MEIOB: variants seen among roughly 807,000 people sequenced by gnomAD.
MEIOB encodes the protein meiosis-specific with OB domain-containing protein.
In MEIOB, 50 loss-of-function variants were observed where a neutral mutation model predicts 53.1. That is an observed-to-expected ratio of 0.94 (90% CI 0.75 to 1.19). MEIOB has a LOEUF of 1.19. Ranked by LOEUF, MEIOB falls within the 50% of genes most tolerant of loss-of-function variation. The pLI is 0.00. For synonymous variants in MEIOB, 192 were observed against 182.5 expected (o/e 1.05, Z -0.42); for missense variants, 551 against 550.8 (o/e 1.00, Z 0.00).
chr16:1,870,068 T>A (rs1397676224), intron 1 of MEIOB, among the ~76,000 whole-genome samples: 1 of 151,806 alleles, frequency 6.6e-6, no homozygotes, highest in East Asian at 2.0e-4. Context: ...GAGATGGGGT[T>A]TCACTGTGTT....
At position 1,834,059 on chromosome 16, in the gene MEIOB, G is replaced by A. The variant is rs984399887; in HGVS notation, c.*197C>T. 2.3e-5 allele frequency: 11 copies of A among 472,520 alleles called. No individual in the cohort carries two copies. The highest frequency in any genetic ancestry group is 1.1e-3 in the Middle Eastern group (2 of 1,866). 29.3% of individuals were successfully genotyped at this position (472,520 alleles called of 1,614,324 possible). ...GGAGGAGACAAGGCAAAGACAGTAG[G>A]AGGCCTTCTAAGAAGGGAGGTCAGA... is the stretch of plus-strand genomic sequence containing the variant. On this transcript the variant is annotated 3_prime_UTR_variant, in exon 14 of 14. Transcript: ENST00000325962.
intron 1 of MEIOB, among the ~76,000 whole-genome samples, chr16:1,869,314 G>A (rs891123917): frequency 2.8e-4 from 42 of 151,650 alleles, no homozygotes; most frequent in African/African-American, 7.5e-4. Flanking sequence ...TAGTAGAGAC[G>A]AGGTTTCACC....
In MEIOB at chr16:1,852,915, A is replaced by G. The variant is rs569483133; in HGVS notation, c.778+124T>C. ...GTAAGTTTTTAAAAAAGTTATATAA[A>G]GCAATTTTTACTTCTAATTTGAATT... On this transcript the variant is annotated intron_variant, in intron 9 of 13. Coordinates refer to ENST00000325962, the MANE Select transcript of MEIOB (RefSeq NM_001163560.3). 2.8e-5 allele frequency: 18 copies of G among 650,846 alleles called. No individual in the cohort carries two copies. In the African/African-American group the frequency reaches 3.3e-4, roughly 12 times the overall value. The allele number at this position is 650,846 out of a possible 1,614,324, so 40.3% of individuals were successfully genotyped here.
At chr16:1,856,270 C>CT (rs1211255037) in intron 6 of MEIOB, among the ~76,000 whole-genome samples, 17 of 151,164 alleles carry the variant, frequency 1.1e-4, no homozygotes, top group African/African-American at 4.1e-4. Flanking sequence ...ATTCTCCTGA[C>CT]TCAGCCTCCC....
chr16:1,859,123 C>T (rs1008936225), intron 5 of MEIOB, among the ~76,000 whole-genome samples: 4 of 152,144 alleles, frequency 2.6e-5, no homozygotes, highest in Admixed American at 2.0e-4. Context: ...TGACCATTAG[C>T]GCTACCACAA....
intron 6 of MEIOB, among the ~76,000 whole-genome samples, chr16:1,856,148 C>T (rs971900071): frequency 1.5e-5 from 2 of 129,798 alleles, no homozygotes; most frequent in African/African-American, 5.9e-5. Flanking sequence ...GTACCTGCCA[C>T]CATGCCCAGC....
At chr16:1,864,495 T>C (rs1899534740) in intron 3 of MEIOB, among the ~76,000 whole-genome samples, 1 of 150,546 alleles carries the variant, frequency 6.6e-6, no homozygotes, top group South Asian at 2.1e-4. Flanking sequence ...TTCTTTTTTT[T>C]TTTTTTTTTT....
rs1567282384 is a variant in MEIOB at position 1,866,733 on chromosome 16, TAAAAAAA to T, written c.70-905_70-899del. Among the ~76,000 whole-genome samples the T allele has an allele frequency of 0.013, 3 of 238 alleles. No individual in the cohort carries two copies. In the East Asian group the frequency reaches 0.25, roughly 20 times the overall value. 0.2% of individuals were successfully genotyped at this position (238 alleles called of 152,430 possible). ...AGGACTCCATCGCAAAAAATAAAAA[TAAAAAAA>T]AAATAATAAAAAATAAAAATGAATA... is the stretch of plus-strand genomic sequence containing the variant. On this transcript the variant is annotated intron_variant, in intron 2 of 13. Transcript: ENST00000325962.
chr16:1,845,814 G>A (rs1196488237), intron 9 of MEIOB, among the ~76,000 whole-genome samples: 1 of 152,148 alleles, frequency 6.6e-6, no homozygotes, highest in African/African-American at 2.4e-5. Context: ...TTTGGAAAGA[G>A]CTCCCCCATG....
intron 13 of MEIOB, among the ~76,000 whole-genome samples, chr16:1,834,949 C>G (rs1898701415): frequency 7.0e-6 from 1 of 142,486 alleles, no homozygotes; most frequent in Non-Finnish European, 1.5e-5. Flanking sequence ...CACCCCCCCC[C>G]ACTAAAAAAA....
At chr16:1,861,865 G>C in intron 4 of MEIOB, 120 bp downstream of exon 4, 2 of 1,085,774 alleles carry the variant, frequency 1.8e-6, no homozygotes, top group South Asian at 1.6e-5. Context: ...GACTTTTTCT[G>C]ATAAAGTTCT....
chr16:1,865,222 A>C (rs1472588445), intron 3 of MEIOB, among the ~76,000 whole-genome samples: 1 of 152,206 alleles, frequency 6.6e-6, no homozygotes, highest in Non-Finnish European at 1.5e-5. Context: ...ACTTGAGGTC[A>C]GGAGTTCAAG....
At chr16:1,867,269 G>T (rs1899615646) in intron 2 of MEIOB, among the ~76,000 whole-genome samples, 1 of 151,912 alleles carries the variant, frequency 6.6e-6, no homozygotes, top group Non-Finnish European at 1.5e-5. Context: ...TTTTAAGTAA[G>T]TAACAGTCGA....
intron 10 of MEIOB, chr16:1,843,305 A>T (rs887205173): frequency 4.2e-4 from 42 of 101,058 alleles, no homozygotes; most frequent in African/African-American, 9.3e-4. Context: ...AAAATAAAAT[A>T]AAAAAAAATA....
At chr16:1,847,010 C>T (rs1899043003) in intron 9 of MEIOB, among the ~76,000 whole-genome samples, 1 of 151,572 alleles carries the variant, frequency 6.6e-6, no homozygotes, top group Admixed American at 6.6e-5. Context: ...AAAAAATTAG[C>T]CAGGCATGGT....
intron 2 of MEIOB, 31 bp from the exon 3 acceptor site, chr16:1,865,866 T>A: frequency 6.9e-7 from 1 of 1,448,718 alleles, no homozygotes; most frequent in Admixed American, 2.2e-5. Context: ...AGAAGACCAA[T>A]ATTAAACACA....
At chr16:1,855,100 G>A (rs996530179) in intron 6 of MEIOB, among the ~76,000 whole-genome samples, 7 of 152,178 alleles carry the variant, frequency 4.6e-5, no homozygotes, top group Non-Finnish European at 7.3e-5. Context: ...AAAGTGAAAC[G>A]CCAGTGGGGG....
chr16:1,840,549 T>TA (rs61433206), intron 11 of MEIOB, among the ~76,000 whole-genome samples: 18,312 of 106,026 alleles, frequency 0.17, 1,406 homozygotes, highest in South Asian at 0.34. Context: ...TTATTATTAT[T>TA]TTTTTTTTTT....
intron 6 of MEIOB, among the ~76,000 whole-genome samples, chr16:1,856,053 G>A (rs897218826): frequency 6.6e-6 from 1 of 151,650 alleles, no homozygotes; most frequent in Non-Finnish European, 1.5e-5. Flanking sequence ...GGAGTGCAGT[G>A]GCGCCATCTC....
Sources: gnomAD v4.1 joint callset for allele counts (sites outside exome capture counted in the v4.1 genomes callset) on GRCh38, gnomAD v4.1.1 for gene constraint, MANE v1.5 for transcripts, NCBI Gene and HGNC (gene_info 2026-07-23, HGNC 2026-07-21) for gene names.